ADAMTS18: variants seen among roughly 807,000 people sequenced by gnomAD.
ADAMTS18 encodes A disintegrin and metalloproteinase with thrombospondin motifs 18.
Under a neutral mutation model 165.9 loss-of-function variants are expected in ADAMTS18, and 157 were observed. The observed-to-expected ratio is 0.95, with a 90% CI of 0.83 to 1.08. ADAMTS18 has a LOEUF of 1.08. ADAMTS18 is among the 50% of genes least tolerant of loss of function. The probability of loss-of-function intolerance (pLI) is 0.00; values close to 1 mark genes in which losing one functional copy is unlikely to be tolerated. For synonymous variants in ADAMTS18, 782 were observed against 578.2 expected, an observed-to-expected ratio of 1.35 and a Z score of -5.06; for missense variants, 2,040 against 1,534.0, an observed-to-expected ratio of 1.33 and a Z score of -5.51.
chr16:77,382,346 G>C (rs2144773114), intron 3 of ADAMTS18, among the ~76,000 whole-genome samples: 1 of 152,264 alleles, frequency 6.6e-6, no homozygotes, highest in South Asian at 2.1e-4. Flanking sequence ...GAGTAGCTGG[G>C]ACTACAGGCG....
At chr16:77,410,553 AGT>A (rs1214615440) in intron 3 of ADAMTS18, among the ~76,000 whole-genome samples, 4 of 152,322 alleles carry the variant, frequency 2.6e-5, no homozygotes, top group Non-Finnish European at 4.4e-5. Context: ...TCTTCAAATG[AGT>A]AAACTGAAGC....
At chr16:77,385,463 G>T (rs940772306) in intron 3 of ADAMTS18, among the ~76,000 whole-genome samples, 1 of 152,080 alleles carries the variant, frequency 6.6e-6, no homozygotes, top group African/African-American at 2.4e-5. Context: ...TCCAATTTTT[G>T]GAATCAGTGA....
intron 3 of ADAMTS18, among the ~76,000 whole-genome samples, chr16:77,404,283 G>C (rs1406158136): frequency 6.6e-6 from 1 of 152,110 alleles, no homozygotes; most frequent in Non-Finnish European, 1.5e-5. Context: ...ATGACCAAAG[G>C]GAAGGTGGAA....
chr16:77,433,620 C>T (rs527906715), intron 2 of ADAMTS18, among the ~76,000 whole-genome samples: 3 of 152,180 alleles, frequency 2.0e-5, no homozygotes, highest in Non-Finnish European at 2.9e-5. Context: ...CTCCATCCTG[C>T]CCCACTCCCC....
intron 12 of ADAMTS18, among the ~76,000 whole-genome samples, chr16:77,330,655 C>T (rs2056173186): frequency 6.6e-6 from 1 of 152,152 alleles, no homozygotes; most frequent in South Asian, 2.1e-4. Context: ...AACTATTTAC[C>T]ACTTACATGG....
At chr16:77,324,330 C>T (rs1006420838) in intron 13 of ADAMTS18, among the ~76,000 whole-genome samples, 4 of 152,316 alleles carry the variant, frequency 2.6e-5, no homozygotes, top group East Asian at 1.9e-4. Flanking sequence ...ATGCTTCCTA[C>T]GAAATCACTC....
intron 21 of ADAMTS18, among the ~76,000 whole-genome samples, 168 bp downstream of exon 21, chr16:77,291,098 G>C (rs547757586): frequency 8.6e-5 from 13 of 151,420 alleles, no homozygotes; most frequent in Middle Eastern, 3.4e-3. Context: ...TTTACAGATT[G>C]TTACCTGCCC....
chr16:77,370,216 T>C (rs2056856750), intron 3 of ADAMTS18, among the ~76,000 whole-genome samples: 1 of 152,162 alleles, frequency 6.6e-6, no homozygotes, highest in African/African-American at 2.4e-5. Context: ...TTCTACATAG[T>C]ACTGGAAGTC....
At chr16:77,390,765 T>G (rs1651481270) in intron 3 of ADAMTS18, among the ~76,000 whole-genome samples, 3 of 152,030 alleles carry the variant, frequency 2.0e-5, no homozygotes, top group South Asian at 2.1e-4. Flanking sequence ...TTACCCCACC[T>G]GGTCTGCACT....
chr16:77,355,908 C>T, intron 9 of ADAMTS18, 32 bp downstream of exon 9: 1 of 1,613,648 alleles, frequency 6.2e-7, no homozygotes. Context: ...CACTCCAAAC[C>T]TAGGAGCACC....
In ADAMTS18 at chr16:77,368,995, A is replaced by G. The variant is rs539501611; in HGVS notation, c.496-1272T>C. Among the ~76,000 whole-genome samples, 45 of 152,320 alleles carry G rather than the reference A, an allele frequency of 3.0e-4. 1 individual carries two copies. In the South Asian group the frequency reaches 8.1e-3, roughly 27 times the overall value. ...TTTCTTTCAGCAAATGTTGTACTCT[A>G]TCTTCTCTAGATATCAGAGTTCCCT... On this transcript the variant is annotated intron_variant, in intron 3 of 22. Coordinates refer to ENST00000282849, the MANE Select transcript of ADAMTS18 (RefSeq NM_199355.4).
intron 3 of ADAMTS18, among the ~76,000 whole-genome samples, chr16:77,368,067 G>C (rs987654311): frequency 6.6e-6 from 1 of 152,166 alleles, no homozygotes; most frequent in East Asian, 1.9e-4. Context: ...TATAGAAACA[G>C]GGTCAATGTG....
At chr16:77,294,282 C>T (rs372907457) in intron 19 of ADAMTS18, among the ~76,000 whole-genome samples, 1 of 152,094 alleles carries the variant, frequency 6.6e-6, no homozygotes, top group African/African-American at 2.4e-5. Flanking sequence ...TGGTGAGGAG[C>T]TGGCCTGGGC....
chr16:77,359,661 G>T (rs548176468), intron 7 of ADAMTS18, among the ~76,000 whole-genome samples: 1 of 151,586 alleles, frequency 6.6e-6, no homozygotes, highest in African/African-American at 2.4e-5. Flanking sequence ...ATTGATCCTT[G>T]TAAGAGCCCT....
intron 22 of ADAMTS18, among the ~76,000 whole-genome samples, chr16:77,285,750 C>G (rs1330321414): frequency 6.6e-6 from 1 of 152,066 alleles, no homozygotes; most frequent in Non-Finnish European, 1.5e-5. Context: ...TTGAAGATGA[C>G]CTTGGAATCA....
chr16:77,339,099 C>T (rs181062973), intron 11 of ADAMTS18, among the ~76,000 whole-genome samples: 2 of 152,048 alleles, frequency 1.3e-5, no homozygotes, highest in East Asian at 3.9e-4. Flanking sequence ...ACAAACAAAA[C>T]ATTGAGTACC....
At chr16:77,410,951 C>T (rs1023452128) in intron 3 of ADAMTS18, among the ~76,000 whole-genome samples, 1 of 152,172 alleles carries the variant, frequency 6.6e-6, no homozygotes, top group Admixed American at 6.5e-5. Flanking sequence ...CAGATACTCC[C>T]TGTTTATTCA....
At position 77,283,842 on chromosome 16, in the gene ADAMTS18, G is replaced by A. The variant is rs2055195254; in HGVS notation, c.*114C>T. ...CCTCAGAGCAGGCTCCTTCATCACA[G>A]CGGCAGCTCACAGATGGTTCTCGGT... On this transcript the variant is annotated 3_prime_UTR_variant, in exon 23 of 23. Coordinates refer to ENST00000282849, the MANE Select transcript of ADAMTS18 (RefSeq NM_199355.4). The A allele has an allele frequency of 3.7e-6, 3 of 809,974 alleles. No individual in the cohort carries two copies. The highest frequency in any genetic ancestry group is 2.6e-5 in the East Asian group (1 of 38,776). The allele number at this position is 809,974 out of a possible 1,614,324, so 50.2% of individuals were successfully genotyped here.
intron 10 of ADAMTS18, 119 bp downstream of exon 10, chr16:77,353,614 G>T: frequency 7.4e-7 from 1 of 1,356,866 alleles, no homozygotes; most frequent in Non-Finnish European, 1.0e-6. Context: ...CAACTGACAC[G>T]GTAGAGATAA....
Sources: gnomAD v4.1 joint callset for allele counts (sites outside exome capture counted in the v4.1 genomes callset) on GRCh38, gnomAD v4.1.1 for gene constraint, MANE v1.5 for transcripts, NCBI Gene and HGNC (gene_info 2026-07-23, HGNC 2026-07-21) for gene names.